The following ROBO2 variants were observed in gnomAD, a reference collection of about 807,000 sequenced individuals.
ROBO2 encodes the protein roundabout homolog 2.
In ROBO2, 53 loss-of-function variants were observed where a neutral mutation model predicts 160.8. The ratio of observed to expected loss-of-function variants is 0.33; its 90% CI spans 0.26 to 0.41. The LOEUF is 0.41. ROBO2 is among the 10% of genes least tolerant of loss of function. The pLI, the probability that ROBO2 is intolerant of heterozygous loss-of-function variation, is 1.00. For missense variants in ROBO2, 1,577 were observed against 1,722.4 expected (o/e 0.92, Z 1.49); for synonymous variants, 664 against 611.7 (o/e 1.09, Z -1.26).
At chr3:77,634,570 G>T in intron 23 of ROBO2, 1 of 354,454 alleles carries the variant, frequency 2.8e-6, no homozygotes, top group Admixed American at 4.0e-5. Context: ...ATATTGTCAA[G>T]GTTAAATAAA....
chr3:76,026,306 G>C (rs2066743889), intron 2 of ROBO2, among the ~76,000 whole-genome samples: 1 of 151,716 alleles, frequency 6.6e-6, no homozygotes, highest in Non-Finnish European at 1.5e-5. Context: ...GAAAATATAA[G>C]GCACTGAATG....
At chr3:76,573,576 G>A (rs1433202234) in intron 2 of ROBO2, among the ~76,000 whole-genome samples, 5 of 126,934 alleles carry the variant, frequency 3.9e-5, no homozygotes, top group Non-Finnish European at 8.4e-5. Flanking sequence ...ATCTAATTTT[G>A]TAACATGATT....
At chr3:76,466,688 A>G (rs531752862) in intron 2 of ROBO2, among the ~76,000 whole-genome samples, 1 of 152,096 alleles carries the variant, frequency 6.6e-6, no homozygotes, top group Admixed American at 6.6e-5. Context: ...AGCTTTCAGC[A>G]TGTTTCATTT....
At position 77,317,638 on chromosome 3, in the gene ROBO2, G is replaced by C. The variant is rs536163638; in HGVS notation, c.389-159776G>C. ...GCTCAAAGGTGGCGGCGGGCTCTGC[G>C]GGGGCTGCTGGTTGCTGCTGGGGGG... On this transcript the variant is annotated intron_variant, in intron 2 of 25. Transcript: ENST00000461745. The C allele has an allele frequency of 9.6e-5, 47 of 487,718 alleles. 1 individual carries two copies. In the East Asian group the frequency reaches 3.8e-3, roughly 39 times the overall value. The allele number at this position is 487,718 out of a possible 1,614,324, so 30.2% of individuals were successfully genotyped here. A position where few individuals can be genotyped will look rare whatever the true frequency, so the allele number is the denominator to read the frequency against.
At chr3:76,141,499 G>A (rs2071669221) in intron 2 of ROBO2, among the ~76,000 whole-genome samples, 1 of 151,292 alleles carries the variant, frequency 6.6e-6, no homozygotes, top group African/African-American at 2.4e-5. Flanking sequence ...TCCTAGCAAA[G>A]AACAATGAGT....
intron 2 of ROBO2, among the ~76,000 whole-genome samples, chr3:77,396,692 A>G: frequency 6.6e-6 from 1 of 152,142 alleles, no homozygotes; most frequent in Non-Finnish European, 1.5e-5. Flanking sequence ...TCAGTCATGA[A>G]AGTCTGTCAA....
chr3:77,516,494 A>T (rs1414205901), intron 5 of ROBO2, among the ~76,000 whole-genome samples: 2 of 151,634 alleles, frequency 1.3e-5, no homozygotes, highest in Non-Finnish European at 3.0e-5. Context: ...CAAAGCTTAC[A>T]TTGTTTTCTC....
At chr3:77,593,347 T>C (rs1162744724) in intron 17 of ROBO2, among the ~76,000 whole-genome samples, 5 of 152,174 alleles carry the variant, frequency 3.3e-5, no homozygotes, top group Non-Finnish European at 5.9e-5. Context: ...CATTAATTAT[T>C]TCAGATTAAT....
intron 2 of ROBO2, among the ~76,000 whole-genome samples, chr3:76,857,847 C>T (rs903670259): frequency 2.6e-5 from 4 of 152,092 alleles, no homozygotes; most frequent in African/African-American, 9.7e-5. Flanking sequence ...TAATTTGACC[C>T]CAGGCTACCT....
At chr3:76,064,648 T>A (rs2068190671) in intron 2 of ROBO2, among the ~76,000 whole-genome samples, 1 of 152,212 alleles carries the variant, frequency 6.6e-6, no homozygotes, top group Non-Finnish European at 1.5e-5. Flanking sequence ...TACATCTGAA[T>A]CAGGTCTTTT....
intron 2 of ROBO2, among the ~76,000 whole-genome samples, chr3:76,542,542 T>C (rs2082876903): frequency 6.6e-6 from 1 of 152,194 alleles, no homozygotes; most frequent in Non-Finnish European, 1.5e-5. Context: ...TGCTGTTTAC[T>C]GACTGAATAG....
chr3:77,439,659 ATT>A (rs2079706138), intron 2 of ROBO2, among the ~76,000 whole-genome samples: 1 of 152,118 alleles, frequency 6.6e-6, no homozygotes. Context: ...AACCATTAGT[ATT>A]AAGGAGTACA....
intron 2 of ROBO2, among the ~76,000 whole-genome samples, chr3:76,996,515 G>A (rs2061017542): frequency 6.6e-6 from 1 of 152,108 alleles, no homozygotes; most frequent in South Asian, 2.1e-4. Flanking sequence ...TGATGGGGAT[G>A]GCATTGAATC....
chr3:76,746,944 C>A (rs1576387189), intron 2 of ROBO2, among the ~76,000 whole-genome samples: 1 of 152,070 alleles, frequency 6.6e-6, no homozygotes, highest in Non-Finnish European at 1.5e-5. Context: ...AGGATAATGG[C>A]GTCCAGGTCC....
chr3:77,228,901 C>T (rs1237966849), intron 2 of ROBO2, among the ~76,000 whole-genome samples: 3 of 152,138 alleles, frequency 2.0e-5, no homozygotes, highest in Admixed American at 1.3e-4. Flanking sequence ...TAGCTTAATT[C>T]ATTTAAACTT....
chr3:77,097,941 A>AG, intron 1 of ROBO2, 73 bp from the exon 2 acceptor site: 1 of 1,305,488 alleles, frequency 7.7e-7, no homozygotes, highest in Non-Finnish European at 1.0e-6. Context: ...TTTCCCCATC[A>AG]GGAACCCAAG....
intron 2 of ROBO2, among the ~76,000 whole-genome samples, chr3:76,035,779 T>G (rs2067086161): frequency 6.6e-6 from 1 of 151,958 alleles, no homozygotes; most frequent in African/African-American, 2.4e-5. Flanking sequence ...TTGAAAACAA[T>G]CTCATCAAAA....
chr3:76,928,566 A>G (rs1370715210), intron 2 of ROBO2, among the ~76,000 whole-genome samples: 2 of 151,850 alleles, frequency 1.3e-5, no homozygotes, highest in Non-Finnish European at 2.9e-5. Flanking sequence ...TTCTCAGCCA[A>G]TGTCTATGGG....
intron 2 of ROBO2, among the ~76,000 whole-genome samples, chr3:76,511,493 TG>T (rs1246138388): frequency 6.6e-6 from 1 of 152,218 alleles, no homozygotes; most frequent in Admixed American, 6.5e-5. Flanking sequence ...TTTCCCAAAA[TG>T]TGGCTTTATT....
Sources: gnomAD v4.1 joint callset for allele counts (sites outside exome capture counted in the v4.1 genomes callset) on GRCh38, gnomAD v4.1.1 for gene constraint, MANE v1.5 for transcripts, NCBI Gene and HGNC (gene_info 2026-07-23, HGNC 2026-07-21) for gene names.